Variants in MCM3AP observed in about 807,000 individuals in gnomAD.
MCM3AP encodes the protein minichromosome maintenance complex component 3 associated protein.
MCM3AP carries 126 observed loss-of-function variants against 184.1 expected under a neutral mutation model. The observed-to-expected ratio is 0.68, with a 90% CI of 0.59 to 0.79. The LOEUF (loss-of-function observed/expected upper bound fraction) is 0.79, where lower values mean the gene tolerates loss of function less well. Among genes scored for constraint, MCM3AP ranks in the 30% least tolerant of loss-of-function variants. The pLI is 0.00. For missense variants in MCM3AP, 2,496 were observed against 2,479.2 expected (o/e 1.01, Z -0.14); for synonymous variants, 1,002 against 979.3 (o/e 1.02, Z -0.43).
chr21:46,265,208 TG>T, intron 12 of MCM3AP, 112 bp downstream of exon 12: 1 of 942,748 alleles, frequency 1.1e-6, no homozygotes, highest in Non-Finnish European at 1.6e-6. Context: ...GACCCCTCTC[TG>T]GACTCTCCTG....
Position 46,254,716 on chromosome 21 carries a change from G to T in MCM3AP, c.4001+60C>A, listed in dbSNP as rs17176716. On this transcript the variant is annotated intron_variant, in intron 18 of 27. Coordinates refer to ENST00000291688, the MANE Select transcript of MCM3AP (RefSeq NM_003906.5). ...GAGATGCATGAAGGGGGCTGCCAGT[G>T]TGACAGATTGGGGAACGGGGATCAC... 996 of 1,516,566 alleles carry T rather than the reference G, an allele frequency of 6.6e-4. 2 individuals are homozygous for T. Among genetic ancestry groups the T allele is most frequent in the Admixed American group, 1.9e-3 (116 of 59,614 alleles). The allele number at this position is 1,516,566 out of a possible 1,614,324, so 93.9% of individuals were successfully genotyped here.
intron 19 of MCM3AP, 40 bp downstream of exon 19, chr21:46,254,352 C>A: frequency 6.2e-7 from 1 of 1,612,264 alleles, no homozygotes; most frequent in Non-Finnish European, 8.5e-7. Context: ...CCTGCCCACT[C>A]CACCTCTTGG....
Position 46,244,733 on chromosome 21 carries a change from G to C in MCM3AP, c.5038+74C>G, listed in dbSNP as rs201807526. 106 of 1,490,810 alleles carry C rather than the reference G, an allele frequency of 7.1e-5. No homozygotes were observed. In the African/African-American group the frequency reaches 1.4e-3, roughly 19 times the overall value. The allele number at this position is 1,490,810 out of a possible 1,614,324, so 92.3% of individuals were successfully genotyped here. ...CACTGGTGCCCAACACCTGCCAGAC[G>C]GTTACTACAGTGAGAAGGAAGCCTG... On this transcript the variant is annotated intron_variant, in intron 23 of 27. Transcript: ENST00000291688.
intron 7 of MCM3AP, 110 bp downstream of exon 7, chr21:46,273,278 A>C: frequency 1.8e-6 from 2 of 1,137,076 alleles, no homozygotes. Flanking sequence ...CCTGGCCCAC[A>C]AAAGTACATT....
rs986073999 is a variant in MCM3AP, at chr21:46,261,193, A to G, written c.3467+87T>C. On this transcript the variant is annotated intron_variant, in intron 14 of 27. Coordinates refer to ENST00000291688, the MANE Select transcript of MCM3AP (RefSeq NM_003906.5). Reference sequence around the variant, plus strand: ...GGGGTGGAATGGTAGCACAGTGGACAATAGCAGGAGCATCGTGGCTAGGGT... The same window carrying G: ...GGGGTGGAATGGTAGCACAGTGGACGATAGCAGGAGCATCGTGGCTAGGGT... 2.1e-5 allele frequency: 32 copies of G among 1,517,320 alleles called. No individual in the cohort carries two copies. In the African/African-American group the frequency reaches 3.7e-4, roughly 17 times the overall value. 94.0% of individuals were successfully genotyped at this position (1,517,320 alleles called of 1,614,324 possible). A position where few individuals can be genotyped will look rare whatever the true frequency, so the allele number is the denominator to read the frequency against.
At chr21:46,248,340 C>T (rs2080810738) in intron 20 of MCM3AP, among the ~76,000 whole-genome samples, 1 of 152,188 alleles carries the variant, frequency 6.6e-6, no homozygotes, top group Non-Finnish European at 1.5e-5. Context: ...CCACTCCCAA[C>T]CCTACCCTGA....
Position 46,235,264 on chromosome 21 carries a change from C to G in MCM3AP, c.*4G>C. 3 of 1,614,074 alleles carry G rather than the reference C, an allele frequency of 1.9e-6. No homozygotes were observed. Among genetic ancestry groups the G allele is most frequent in the Non-Finnish European group, 2.5e-6 (3 of 1,179,958 alleles). On this transcript the variant is annotated 3_prime_UTR_variant, in exon 28 of 28. Transcript: ENST00000291688. ...AGAGACCCCCTCCCCACAGGTCAGG[C>G]TGCTCAAATGTCCACCATGTCTAGC...
At position 46,283,845 on chromosome 21, in the gene MCM3AP, G is replaced by C; in HGVS notation, c.1220-7C>G. On this transcript the variant is annotated splice_polypyrimidine_tract_variant and splice_region_variant and intron_variant, in intron 1 of 27. Transcript: ENST00000291688. ...GGAGTTCCTCTTAGAGAATCTAGGG[G>C]TTCAGAGAATGGACACTTAAACCAT... 1.2e-6 allele frequency: 2 copies of C among 1,607,670 alleles called. No individual in the cohort carries two copies. The highest frequency in any genetic ancestry group is 1.7e-6 in the Non-Finnish European group (2 of 1,175,534).
In MCM3AP at chr21:46,284,731, G is replaced by A. The variant is rs1248798431; in HGVS notation, c.556C>T (p.Pro186Ser). The change falls in exon 1 of 28, where the codon CCT (proline) becomes TCT (serine). Residue 186 changes from proline to serine, a missense_variant. Transcript: ENST00000291688. ...AAAGAGAAAGGGGCCAGGCCTCCAG[G>A]TGCACTACTAATTGGGTGGGAAAAT... ...FTFSHPISSA[P>S]GGLAPFSFPQ... is the part of the protein sequence containing the mutation. The A allele has an allele frequency of 4.3e-6, 7 of 1,614,060 alleles. No homozygotes were observed. In the South Asian group the frequency reaches 6.6e-5, roughly 15 times the overall value.
In MCM3AP at chr21:46,285,361, G is replaced by C. The variant is rs2081400306; in HGVS notation, c.-75C>G. The C allele has an allele frequency of 7.5e-6, 7 of 927,912 alleles. No homozygotes were observed. The highest frequency in any genetic ancestry group is 1.0e-5 in the Non-Finnish European group (6 of 590,994). The allele number at this position is 927,912 out of a possible 1,614,324, so 57.5% of individuals were successfully genotyped here. A position where few individuals can be genotyped will look rare whatever the true frequency, so the allele number is the denominator to read the frequency against. The stretch of plus-strand genomic sequence containing the variant: ...AATTGGCTTCCTGAAACAGCCTGTA[G>C]CACTAGGGAGTTCCCCTTCGTCTTT... On this transcript the variant is annotated 5_prime_UTR_variant, in exon 1 of 28. Coordinates refer to ENST00000291688, the MANE Select transcript of MCM3AP (RefSeq NM_003906.5).
rs370012360 is a variant in MCM3AP at position 46,272,842 on chromosome 21, G to A, written c.2197-13C>T. ...GCTGCGTGATATCCTGGCCACAGGC[G>A]AGGGGGAGGATCACACACACATTCC... On this transcript the variant is annotated splice_polypyrimidine_tract_variant and intron_variant, in intron 7 of 27. Coordinates refer to ENST00000291688, the MANE Select transcript of MCM3AP (RefSeq NM_003906.5). 138 of 1,560,344 alleles carry A rather than the reference G, an allele frequency of 8.8e-5. No individual in the cohort carries two copies. The highest frequency in any genetic ancestry group is 1.8e-4 in the Middle Eastern group (1 of 5,442).
intron 17 of MCM3AP, among the ~76,000 whole-genome samples, chr21:46,255,083 G>C (rs1032048717): frequency 1.3e-5 from 2 of 152,210 alleles, no homozygotes; most frequent in South Asian, 4.1e-4. Context: ...AATGGGGAGA[G>C]AACAGCATCT....
At chr21:46,266,191 G>A (rs372624569) in intron 10 of MCM3AP, 25 bp from the exon 11 acceptor site, 228 of 1,579,622 alleles carry the variant, frequency 1.4e-4, no homozygotes, top group African/African-American at 7.5e-4. Flanking sequence ...AAAGACCCCC[G>A]AGGGGTGTCA....
In MCM3AP at chr21:46,275,398, A is replaced by C. The variant is rs1484687184; in HGVS notation, c.1859-73T>G. The C allele has an allele frequency of 7.7e-6, 10 of 1,301,164 alleles. No individual in the cohort carries two copies. In the African/African-American group the frequency reaches 1.5e-4, roughly 20 times the overall value. 80.6% of individuals were successfully genotyped at this position (1,301,164 alleles called of 1,614,324 possible). A position where few individuals can be genotyped will look rare whatever the true frequency, so the allele number is the denominator to read the frequency against. On this transcript the variant is annotated intron_variant, in intron 5 of 27. Transcript: ENST00000291688. ...GAACCTACAGAAGTGTATTCTCATA[A>C]TGATAAAAAGAAATTAAAACTTAAA...
intron 25 of MCM3AP, 124 bp from the exon 26 acceptor site, chr21:46,241,141 TGCCC>T: frequency 1.4e-6 from 1 of 732,910 alleles, no homozygotes; most frequent in Non-Finnish European, 2.3e-6. Context: ...CAGACACATG[TGCCC>T]TCCTGGAACA....
intron 19 of MCM3AP, chr21:46,254,082 T>C (rs1601507628): frequency 2.8e-6 from 1 of 353,490 alleles, no homozygotes; most frequent in Non-Finnish European, 5.2e-6. Flanking sequence ...TCCTGAGGCC[T>C]CCCCAGCCAT....
In MCM3AP at chr21:46,240,895, T is replaced by A. The variant is rs761720487; in HGVS notation, c.5549A>T (p.Asp1850Val). The change falls in exon 26 of 28, where the codon GAT becomes GTT. Residue 1850 changes from aspartate to valine, a missense_variant. Transcript: ENST00000291688. ...CTCAGCAGAAGCTCCTCGCATCAGA[T>A]CCTCTGTGCTGGGAATCCTCCCCTC... is the stretch of plus-strand genomic sequence containing the variant. ...AQEGRIPSTE[D>V]LMRGASAEEL... 2 of 1,614,192 alleles carry A rather than the reference T, an allele frequency of 1.2e-6. No homozygotes were observed. The highest frequency in any genetic ancestry group is 2.2e-5 in the South Asian group (2 of 91,086).
At chr21:46,269,824 G>T (rs1310160128) in intron 9 of MCM3AP, among the ~76,000 whole-genome samples, 2 of 152,202 alleles carry the variant, frequency 1.3e-5, no homozygotes, top group Non-Finnish European at 2.9e-5. Flanking sequence ...AGAACAGCAG[G>T]TGCTACAGGG....
In MCM3AP at chr21:46,242,788, A is replaced by G. The variant is rs2080690904; in HGVS notation, c.5426+14T>C. ...TTTAGCAAGCAACAGAAACATACTG[A>G]ACATGAACCTCACCGTCCCTCTCTC... On this transcript the variant is annotated intron_variant, in intron 25 of 27. Transcript: ENST00000291688. 6.3e-7 allele frequency: 1 copy of G among 1,599,732 alleles called. No individual in the cohort carries two copies.
Sources: allele counts gnomAD v4.1 joint callset (sites outside exome capture counted in the v4.1 genomes callset), GRCh38; gene constraint gnomAD v4.1.1; transcripts MANE v1.5; gene names NCBI Gene and HGNC (gene_info 2026-07-23, HGNC 2026-07-21).